The following ATP6V1E1 variants were observed in gnomAD, a reference collection of about 807,000 sequenced individuals.
ATP6V1E1 encodes ATPase H+ transporting V1 subunit E1.
ATP6V1E1 carries 21 observed loss-of-function variants against 35.2 expected under a neutral mutation model. The ratio of observed to expected loss-of-function variants is 0.60; its 90% CI spans 0.42 to 0.86. ATP6V1E1 has a LOEUF of 0.86. Among genes scored for constraint, ATP6V1E1 ranks in the 40% least tolerant of loss-of-function variants. The pLI is 0.00. For synonymous variants in ATP6V1E1, 83 were observed against 87.8 expected (o/e 0.95, Z 0.30); for missense variants, 183 against 272.6 (o/e 0.67, Z 2.32).
chr22:17,617,539 T>C (rs570563546), intron 2 of ATP6V1E1, among the ~76,000 whole-genome samples: 3 of 151,628 alleles, frequency 2.0e-5, no homozygotes, highest in African/African-American at 7.3e-5. Flanking sequence ...GGTGATCCAC[T>C]TGTGTCGGCC....
At chr22:17,625,331 T>C (rs955570759) in intron 1 of ATP6V1E1, among the ~76,000 whole-genome samples, 5 of 152,174 alleles carry the variant, frequency 3.3e-5, no homozygotes, top group Admixed American at 3.3e-4. Flanking sequence ...AATGGCATGA[T>C]CTCGGCTTGC....
rs1393347485 is a variant in ATP6V1E1 at position 17,619,532 on chromosome 22, A to C, written c.34-6T>G. ...AAAGCCATCATATGCTTTATCTATAAGGAAAAAAAGTTTTATTTTTTAGTT... is the reference window on the plus strand; with the variant it reads ...AAAGCCATCATATGCTTTATCTATACGGAAAAAAAGTTTTATTTTTTAGTT... On this transcript the variant is annotated splice_polypyrimidine_tract_variant and splice_region_variant and intron_variant, in intron 1 of 8. Coordinates refer to ENST00000253413, the MANE Select transcript of ATP6V1E1 (RefSeq NM_001696.4). 4 of 1,570,742 alleles carry C rather than the reference A, an allele frequency of 2.5e-6. No homozygotes were observed. The highest frequency in any genetic ancestry group is 2.8e-5 in the African/African-American group (2 of 72,726).
chr22:17,623,209 CAATAT>C (rs1211477562), intron 1 of ATP6V1E1, among the ~76,000 whole-genome samples: 1 of 152,102 alleles, frequency 6.6e-6, no homozygotes, highest in Non-Finnish European at 1.5e-5. Flanking sequence ...ATGGTACTTA[CAATAT>C]CTTGAGCCTT....
intron 2 of ATP6V1E1, among the ~76,000 whole-genome samples, chr22:17,615,812 C>T (rs1022517213): frequency 6.6e-6 from 1 of 152,096 alleles, no homozygotes; most frequent in Non-Finnish European, 1.5e-5. Flanking sequence ...GTGGGCAGAT[C>T]GTGAGGTCAG....
intron 4 of ATP6V1E1, among the ~76,000 whole-genome samples, chr22:17,609,461 GCTC>G (rs1239484307): frequency 9.6e-6 from 1 of 104,148 alleles, no homozygotes; most frequent in African/African-American, 4.0e-5. Context: ...TGCCCATCCT[GCTC>G]TTTTTTTTTT....
At chr22:17,594,503 C>A (rs1483392763) in intron 8 of ATP6V1E1, 26 bp downstream of exon 8, 2 of 1,501,250 alleles carry the variant, frequency 1.3e-6, no homozygotes, top group Admixed American at 4.7e-5. Context: ...AGCAGACCAA[C>A]TACCAAGAAG....
chr22:17,627,158 CTTTT>C (rs112782925), intron 1 of ATP6V1E1, among the ~76,000 whole-genome samples: 1 of 146,924 alleles, frequency 6.8e-6, no homozygotes, highest in East Asian at 2.0e-4. Flanking sequence ...CCCAGACAAT[CTTTT>C]TTTTTTTATT....
At chr22:17,609,461 G>A (rs1483697536) in intron 4 of ATP6V1E1, among the ~76,000 whole-genome samples, 1 of 104,180 alleles carries the variant, frequency 9.6e-6, no homozygotes, top group East Asian at 3.0e-4. Context: ...TGCCCATCCT[G>A]CTCTTTTTTT....
At chr22:17,610,193 C>T (rs1286702584) in intron 4 of ATP6V1E1, among the ~76,000 whole-genome samples, 1 of 152,050 alleles carries the variant, frequency 6.6e-6, no homozygotes, top group Non-Finnish European at 1.5e-5. Flanking sequence ...AGGCAGCTTA[C>T]AGAAGTATAT....
intron 6 of ATP6V1E1, 120 bp downstream of exon 6, chr22:17,599,905 AAC>A (rs1216488523): frequency 5.1e-6 from 4 of 785,064 alleles, no homozygotes; most frequent in African/African-American, 1.8e-5. Flanking sequence ...CATCCTGGAC[AAC>A]AGAGTGAGAC....
intron 7 of ATP6V1E1, among the ~76,000 whole-genome samples, chr22:17,597,040 G>A (rs1314315810): frequency 8.6e-5 from 13 of 151,884 alleles, no homozygotes. Flanking sequence ...AGGAGATCGA[G>A]ACCATCCTGG....
intron 1 of ATP6V1E1, among the ~76,000 whole-genome samples, chr22:17,623,389 T>C (rs2057887827): frequency 1.3e-5 from 2 of 152,126 alleles, no homozygotes; most frequent in Non-Finnish European, 2.9e-5. Flanking sequence ...GAATTTTAAG[T>C]CATTTAACTA....
chr22:17,605,658 A>AT (rs1409994160), intron 4 of ATP6V1E1, among the ~76,000 whole-genome samples: 1 of 143,360 alleles, frequency 7.0e-6, no homozygotes, highest in Non-Finnish European at 1.5e-5. Flanking sequence ...AGGTGATCTA[A>AT]TTTTTTTCTA....
At position 17,594,438 on chromosome 22, in the gene ATP6V1E1, C is replaced by T. The variant is rs2057720785; in HGVS notation, c.618+91G>A. ...ATGTCCAAAACTGGAAAGACAGCAA[C>T]AAATCCCAAATACCAGTGAATGGAC... On this transcript the variant is annotated intron_variant, in intron 8 of 8. Transcript: ENST00000253413. The T allele has an allele frequency of 2.9e-6, 3 of 1,043,578 alleles. No homozygotes were observed. The South Asian group carries it at 6.6e-5, about 23-fold the overall frequency. The allele number at this position is 1,043,578 out of a possible 1,614,324, so 64.6% of individuals were successfully genotyped here.
intron 4 of ATP6V1E1, among the ~76,000 whole-genome samples, chr22:17,601,678 G>A (rs1388808287): frequency 6.6e-6 from 1 of 152,144 alleles, no homozygotes; most frequent in Non-Finnish European, 1.5e-5. Context: ...TGCAATCTCG[G>A]CTCACTGCAA....
At chr22:17,627,001 A>G (rs546687458) in intron 1 of ATP6V1E1, among the ~76,000 whole-genome samples, 10 of 151,438 alleles carry the variant, frequency 6.6e-5, no homozygotes, top group African/African-American at 2.4e-4. Context: ...TAATATTAAA[A>G]TTTTTTGAGA....
intron 1 of ATP6V1E1, among the ~76,000 whole-genome samples, chr22:17,624,903 C>G (rs2057896184): frequency 1.3e-5 from 2 of 151,898 alleles, no homozygotes; most frequent in African/African-American, 4.8e-5. Context: ...AAGCCTTAGT[C>G]TTCAATATAT....
chr22:17,622,058 G>C (rs892711488), intron 1 of ATP6V1E1, among the ~76,000 whole-genome samples: 1 of 152,172 alleles, frequency 6.6e-6, no homozygotes, highest in Non-Finnish European at 1.5e-5. Flanking sequence ...ATATACCCAA[G>C]TAAAAATCCA....
At chr22:17,596,167 T>TATG (rs1306222001) in intron 7 of ATP6V1E1, among the ~76,000 whole-genome samples, 1 of 149,414 alleles carries the variant, frequency 6.7e-6, no homozygotes, top group Admixed American at 6.6e-5. Flanking sequence ...TAAAAAATGC[T>TATG]ATGAGGTTAG....
Sources: allele counts gnomAD v4.1 joint callset (sites outside exome capture counted in the v4.1 genomes callset), GRCh38; gene constraint gnomAD v4.1.1; transcripts MANE v1.5; gene names NCBI Gene and HGNC (gene_info 2026-07-23, HGNC 2026-07-21).